The following RAB40B variants were observed in gnomAD, a reference collection of about 807,000 sequenced individuals.
RAB40B encodes RAB40B, member RAS oncogene family.
Under a neutral mutation model 24.0 loss-of-function variants are expected in RAB40B, and 21 were observed. The observed-to-expected ratio is 0.88, with a 90% confidence interval of 0.62 to 1.26. The LOEUF is 1.26. Among genes scored for constraint, RAB40B ranks in the 50% most tolerant of loss-of-function variants. The pLI is 0.00. For synonymous variants in RAB40B, 167 were observed against 169.8 expected, an observed-to-expected ratio of 0.98 and a Z score of 0.13; for missense variants, 348 against 390.5, an observed-to-expected ratio of 0.89 and a Z score of 0.92.
chr17:82,661,715 C>T (rs1347842088), intron 2 of RAB40B, among the ~76,000 whole-genome samples: 1 of 151,996 alleles, frequency 6.6e-6, no homozygotes, highest in East Asian at 1.9e-4. Flanking sequence ...AGTGAAACCC[C>T]GTCTCTACTA....
chr17:82,666,695 G>T lies in RAB40B; in HGVS notation c.143-2139C>A, dbSNP rs530864440. On this transcript the variant is annotated intron_variant, in intron 1 of 5. Coordinates refer to ENST00000571995, the MANE Select transcript of RAB40B (RefSeq NM_006822.3). ...TGTCATTGAGAACATGGAAAGAGAG[G>T]GTTTGAGTTAAGGGGCTGGAGAATG... 2.6e-5 allele frequency among the ~76,000 whole-genome samples: 4 copies of T among 152,052 alleles called. No individual in the cohort carries two copies. The South Asian group carries it at 8.3e-4, about 32-fold the overall frequency.
In RAB40B at chr17:82,667,492, G is replaced by A. The variant is rs2046272453; in HGVS notation, c.143-2936C>T. On this transcript the variant is annotated intron_variant, in intron 1 of 5. Transcript: ENST00000571995. The surrounding 1 kb of genome is among the most constrained non-coding windows in gnomAD (Gnocchi z 4.3). Reference sequence around the variant, plus strand: ...CACCCCTCCCTCCCACAGCTGCTGTGTCCAGCCTGTCCCCTGCCCTCTGCT... The same window carrying A: ...CACCCCTCCCTCCCACAGCTGCTGTATCCAGCCTGTCCCCTGCCCTCTGCT... Among the ~76,000 whole-genome samples the A allele has an allele frequency of 6.6e-6, 1 of 152,170 alleles. No individual in the cohort carries two copies. The highest frequency in any genetic ancestry group is 2.1e-4 in the South Asian group (1 of 4,830).
At chr17:82,673,503 A>G (rs1249436782) in intron 1 of RAB40B, among the ~76,000 whole-genome samples, 2 of 152,178 alleles carry the variant, frequency 1.3e-5, no homozygotes, top group Admixed American at 1.3e-4. Flanking sequence ...GGTGCATGGA[A>G]GAAGGTAGTA....
intron 1 of RAB40B, among the ~76,000 whole-genome samples, chr17:82,676,130 C>G (rs951935417): frequency 1.3e-5 from 2 of 152,142 alleles, no homozygotes; most frequent in Non-Finnish European, 1.5e-5. Flanking sequence ...CCTCGTGGGA[C>G]GCACTCACCA....
rs544493587 is a variant in RAB40B, at chr17:82,663,834, C to A, written c.203+662G>T. Among the ~76,000 whole-genome samples, 14 of 152,286 alleles carry A rather than the reference C, an allele frequency of 9.2e-5. No homozygotes were observed. Among genetic ancestry groups the A allele is most frequent in the African/African-American group, 3.4e-4 (14 of 41,562 alleles). The stretch of plus-strand genomic sequence containing the variant: ...AGACACCAGGCCACAGGTTCTGATC[C>A]CAAAAGCCGATTCCCAGCCACAGCG... On this transcript the variant is annotated intron_variant, in intron 2 of 5. Transcript: ENST00000571995. The surrounding 1 kb of genome is among the most constrained non-coding windows in gnomAD (Gnocchi z 6.2).
rs546110883 is a variant in RAB40B at position 82,697,775 on chromosome 17, T to C, written c.142+680A>G. 8.5e-5 allele frequency among the ~76,000 whole-genome samples: 13 copies of C among 152,296 alleles called. No homozygotes were observed. Among genetic ancestry groups the C allele is most frequent in the African/African-American group, 3.1e-4 (13 of 41,572 alleles). On this transcript the variant is annotated intron_variant, in intron 1 of 5. Transcript: ENST00000571995. This position sits in a 1 kb window ranked among gnomAD's most constrained non-coding sequence, Gnocchi z 4.9. ...AAACTTGGGGGATCCCCGGGCTGCC[T>C]GCCTGGGAGCTCTGGGCGCTCCGGC...
chr17:82,662,298 T>G (rs2143458354), intron 2 of RAB40B: 1 of 985,450 alleles, frequency 1.0e-6, no homozygotes, highest in Non-Finnish European at 1.2e-6. Flanking sequence ...GCTCAGGCTT[T>G]GCACACAGCG....
intron 1 of RAB40B, among the ~76,000 whole-genome samples, chr17:82,685,029 G>A (rs866523040): frequency 2.0e-5 from 3 of 151,250 alleles, no homozygotes; most frequent in African/African-American, 4.9e-5. Flanking sequence ...CAGGAGAATC[G>A]CTTGAATCCA....
At chr17:82,659,477 A>G (rs925954366) in intron 4 of RAB40B, 103 bp downstream of exon 4, 7 of 1,161,484 alleles carry the variant, frequency 6.0e-6, no homozygotes, top group Non-Finnish European at 8.9e-6. Flanking sequence ...CTGGCCTGTG[A>G]TCCATGGGTA....
chr17:82,684,387 A>G (rs1180469940), intron 1 of RAB40B, among the ~76,000 whole-genome samples: 4 of 152,202 alleles, frequency 2.6e-5, no homozygotes, highest in Admixed American at 6.5e-5. Flanking sequence ...AGTTTCTTAT[A>G]AAGTTAATCA....
rs1305171499 is a variant in RAB40B at position 82,667,597 on chromosome 17, C to G, written c.143-3041G>C. 1.3e-5 allele frequency among the ~76,000 whole-genome samples: 2 copies of G among 152,162 alleles called. No individual in the cohort carries two copies. The highest frequency in any genetic ancestry group is 4.8e-5 in the African/African-American group (2 of 41,438). ...CACCAGAGCCCCAGAGACATGGAGT[C>G]CAGGCTTCCCGCATCCTCCTCTGTC... is the stretch of plus-strand genomic sequence containing the variant. On this transcript the variant is annotated intron_variant, in intron 1 of 5. Coordinates refer to ENST00000571995, the MANE Select transcript of RAB40B (RefSeq NM_006822.3). This position sits in a 1 kb window ranked among gnomAD's most constrained non-coding sequence, Gnocchi z 4.3.
chr17:82,682,571 G>A (rs138441321), intron 1 of RAB40B, among the ~76,000 whole-genome samples: 1 of 152,120 alleles, frequency 6.6e-6, no homozygotes, highest in Admixed American at 6.6e-5. Flanking sequence ...CATTTAAAAG[G>A]AAAGTCAAAA....
intron 1 of RAB40B, among the ~76,000 whole-genome samples, chr17:82,688,671 C>T (rs796195513): frequency 1.3e-5 from 2 of 152,136 alleles, no homozygotes; most frequent in African/African-American, 4.8e-5. Flanking sequence ...TGGTGGCTCA[C>T]GCCTGTAATC....
intron 1 of RAB40B, among the ~76,000 whole-genome samples, chr17:82,688,326 T>C (rs2046522972): frequency 2.6e-5 from 4 of 151,668 alleles, no homozygotes; most frequent in African/African-American, 9.7e-5. Context: ...TTTTAAAAAT[T>C]GTTTTGGGCC....
rs530089464 is a variant in RAB40B, at chr17:82,655,810, T to C, written c.*2053A>G. On this transcript the variant is annotated 3_prime_UTR_variant, in exon 6 of 6. Coordinates refer to ENST00000571995, the MANE Select transcript of RAB40B (RefSeq NM_006822.3). Reference sequence around the variant, plus strand: ...TGCCTCCCCGTGGACTTTGTCCCCGTGGCTGCCGTGCCCAGGTGGCCAGAC... The same window carrying C: ...TGCCTCCCCGTGGACTTTGTCCCCGCGGCTGCCGTGCCCAGGTGGCCAGAC... 12 of 152,328 alleles carry C rather than the reference T, an allele frequency of 7.9e-5. No homozygotes were observed. The highest frequency in any genetic ancestry group is 2.9e-4 in the African/African-American group (12 of 41,546). 9.4% of individuals were successfully genotyped at this position (152,328 alleles called of 1,614,324 possible).
Position 82,667,786 on chromosome 17 carries a change from C to A in RAB40B, c.143-3230G>T, listed in dbSNP as rs567500411. Among the ~76,000 whole-genome samples, 3 of 152,312 alleles carry A rather than the reference C, an allele frequency of 2.0e-5. No individual in the cohort carries two copies. Among genetic ancestry groups the A allele is most frequent in the Non-Finnish European group, 4.4e-5 (3 of 68,016 alleles). On this transcript the variant is annotated intron_variant, in intron 1 of 5. Transcript: ENST00000571995. The surrounding 1 kb of genome is among the most constrained non-coding windows in gnomAD (Gnocchi z 4.3). ...GCCCGAAGCACCCGCTTTGCAGACG[C>A]CACCTGCCCCGTGATGAGGCTCAGA...
At chr17:82,666,407 G>A (rs1387125715) in intron 1 of RAB40B, among the ~76,000 whole-genome samples, 1 of 152,020 alleles carries the variant, frequency 6.6e-6, no homozygotes, top group African/African-American at 2.4e-5. Context: ...GCCACGTCCA[G>A]CTAATTTTTG....
rs950389041 is a variant in RAB40B, at chr17:82,663,324, G to C, written c.203+1172C>G. 6.6e-6 allele frequency among the ~76,000 whole-genome samples: 1 copy of C among 152,078 alleles called. No homozygotes were observed. The highest frequency in any genetic ancestry group is 1.5e-5 in the Non-Finnish European group (1 of 67,978). On this transcript the variant is annotated intron_variant, in intron 2 of 5. Coordinates refer to ENST00000571995, the MANE Select transcript of RAB40B (RefSeq NM_006822.3). This position sits in a 1 kb window ranked among gnomAD's most constrained non-coding sequence, Gnocchi z 6.2. ...GGCTCGGGGGTGGCCCAGCAGGCAG[G>C]AAGGGCCAGGAGGCTCAGGCGAGGG...
At chr17:82,662,354 A>G in intron 2 of RAB40B, 1 of 985,482 alleles carries the variant, frequency 1.0e-6, no homozygotes, top group Middle Eastern at 5.2e-4. Context: ...GGCCAGGTCA[A>G]TCTGCCAGCT....
Sources: allele counts gnomAD v4.1 joint callset (sites outside exome capture counted in the v4.1 genomes callset), GRCh38; gene constraint gnomAD v4.1.1; non-coding constraint Gnocchi (gnomAD v3.1); transcripts MANE v1.5; gene names NCBI Gene and HGNC (gene_info 2026-07-23, HGNC 2026-07-21).